SDF4: variants seen among roughly 807,000 people sequenced by gnomAD.
SDF4 encodes the protein stromal cell derived factor 4, also known as 45 kDa calcium-binding protein.
In SDF4, 22 loss-of-function variants were observed where a neutral mutation model predicts 34.2. The observed-to-expected ratio is 0.64, with a 90% CI of 0.46 to 0.92. The LOEUF (loss-of-function observed/expected upper bound fraction) is 0.92, where lower values mean the gene tolerates loss of function less well. SDF4 is among the 40% of genes least tolerant of loss of function. The pLI is 0.00. For missense variants in SDF4, 447 were observed against 499.9 expected (o/e 0.89, Z 1.01); for synonymous variants, 236 against 203.1 (o/e 1.16, Z -1.38).
At chr1:1,219,457 G>A in intron 4 of SDF4, 1 of 1,005,936 alleles carries the variant, frequency 9.9e-7, no homozygotes, top group Non-Finnish European at 1.2e-6. Context: ...CACCCTGAAG[G>A]CTGACGTGCG....
chr1:1,220,328 GC>G, intron 4 of SDF4: 1 of 1,102,098 alleles, frequency 9.1e-7, no homozygotes, highest in Non-Finnish European at 1.1e-6. Context: ...AGGGAGTGAT[GC>G]CCGCCTGCCA....
rs141534694 is a variant in SDF4, at chr1:1,217,632, G to A, written c.948C>T (p.Ile316=). 1.8e-4 allele frequency: 284 copies of A among 1,613,820 alleles called. 1 individual carries two copies. In the African/African-American group the frequency reaches 3.1e-3, roughly 17 times the overall value. The change falls in exon 7 of 7, where the codon ATC becomes ATT. Residue 316 remains isoleucine, a synonymous_variant. Coordinates refer to ENST00000360001, the MANE Select transcript of SDF4 (RefSeq NM_016176.6). This position sits in a 1 kb window ranked among gnomAD's most constrained non-coding sequence, Gnocchi z 8.5. ...YNALNEAKQM[I]AVADENQNHH... is the part of the protein sequence containing the mutation. ...GGTTCTGGTTCTCGTCGGCGACGGCGATCATCTGCTTGGCCTCGTTCAGCG... is the reference window on the plus strand; with the variant it reads ...GGTTCTGGTTCTCGTCGGCGACGGCAATCATCTGCTTGGCCTCGTTCAGCG...
At chr1:1,219,733 C>T in intron 4 of SDF4, 1 of 986,146 alleles carries the variant, frequency 1.0e-6, no homozygotes. Context: ...AGGACAGAAA[C>T]ACCACCTCCT....
chr1:1,220,189 C>CCACG, intron 4 of SDF4: 1 of 991,448 alleles, frequency 1.0e-6, no homozygotes, highest in Non-Finnish European at 1.2e-6. Flanking sequence ...CAGTCCCTCC[C>CCACG]CACGAGCCGG....
At chr1:1,219,752 T>A (rs1162093235) in intron 4 of SDF4, 9 of 985,826 alleles carry the variant, frequency 9.1e-6, no homozygotes, top group Non-Finnish European at 9.6e-6. Flanking sequence ...CTGCCCCATC[T>A]TGGGGCTCAC....
At chr1:1,227,140 C>G (rs766639376) in intron 2 of SDF4, 1 of 152,880 alleles carries the variant, frequency 6.5e-6, no homozygotes, top group East Asian at 1.9e-4. Context: ...GCCCTCCCGC[C>G]TGGCCCTCAG....
At chr1:1,221,821 G>A (rs1227935755) in intron 4 of SDF4, among the ~76,000 whole-genome samples, 1 of 152,096 alleles carries the variant, frequency 6.6e-6, no homozygotes, top group Non-Finnish European at 1.5e-5. Flanking sequence ...TTAGCCAGGC[G>A]CGGTGATGGT....
chr1:1,220,372 A>T, intron 4 of SDF4: 1 of 1,137,928 alleles, frequency 8.8e-7, no homozygotes, highest in Non-Finnish European at 1.1e-6. Flanking sequence ...ATCAGGTCTG[A>T]GGCGCGAGGA....
intron 1 of SDF4, among the ~76,000 whole-genome samples, chr1:1,231,042 T>G (rs779156610): frequency 1.9e-4 from 29 of 152,346 alleles, no homozygotes; most frequent in Non-Finnish European, 1.8e-4. Flanking sequence ...GGCAACACAG[T>G]GAGACTGCGT....
At chr1:1,220,403 C>A (rs148054647) in intron 4 of SDF4, 2 of 1,167,784 alleles carry the variant, frequency 1.7e-6, no homozygotes, top group East Asian at 6.1e-5. Flanking sequence ...CGGACTCACG[C>A]GGTGACCCTC....
At chr1:1,219,682 G>A (rs913063959) in intron 4 of SDF4, 3 of 986,248 alleles carry the variant, frequency 3.0e-6, no homozygotes, top group South Asian at 4.7e-5. Context: ...TCACCCCGAG[G>A]TCCCCACACA....
Position 1,217,871 on chromosome 1 carries a change from G to A in SDF4, c.892-183C>T, listed in dbSNP as rs1465327267. Reference sequence around the variant, plus strand: ...GGGCAGGGAGAAGCCGGGGGCCCCGGAAGGCCTGCCCGGGGCCAGCAGGGG... The same window carrying A: ...GGGCAGGGAGAAGCCGGGGGCCCCGAAAGGCCTGCCCGGGGCCAGCAGGGG... On this transcript the variant is annotated intron_variant, in intron 6 of 6. Transcript: ENST00000360001. The surrounding 1 kb of genome is among the most constrained non-coding windows in gnomAD (Gnocchi z 8.5). 7.5e-6 allele frequency: 11 copies of A among 1,466,784 alleles called. No homozygotes were observed. Among genetic ancestry groups the A allele is most frequent in the African/African-American group, 1.4e-5 (1 of 70,806 alleles). The allele number at this position is 1,466,784 out of a possible 1,614,324, so 90.9% of individuals were successfully genotyped here. A position where few individuals can be genotyped will look rare whatever the true frequency, so the allele number is the denominator to read the frequency against.
Position 1,218,938 on chromosome 1 carries a change from C to T in SDF4, c.557-11G>A, listed in dbSNP as rs200644350. The T allele has an allele frequency of 6.1e-5, 99 of 1,610,284 alleles. No homozygotes were observed. Among genetic ancestry groups the T allele is most frequent in the South Asian group, 3.5e-4 (32 of 90,574 alleles). On this transcript the variant is annotated splice_polypyrimidine_tract_variant and intron_variant, in intron 4 of 6. Coordinates refer to ENST00000360001, the MANE Select transcript of SDF4 (RefSeq NM_016176.6). The surrounding 1 kb of genome is among the most constrained non-coding windows in gnomAD (Gnocchi z 7.9). ...CCAGGACTTCCTGTGCTGAGAGGGG[C>T]GCAGCCTGTGGGTATCGAGGCCGAC... is the stretch of plus-strand genomic sequence containing the variant.
intron 2 of SDF4, 37 bp downstream of exon 2, chr1:1,228,431 G>GACA (rs1553150557): frequency 8.3e-6 from 13 of 1,559,186 alleles, no homozygotes; most frequent in Admixed American, 1.8e-5. Flanking sequence ...GAGCGCACGC[G>GACA]GACAGCCCCC....
chr1:1,225,917 G>A (rs1557519856), intron 2 of SDF4, among the ~76,000 whole-genome samples: 2 of 152,246 alleles, frequency 1.3e-5, no homozygotes, highest in South Asian at 2.1e-4. Context: ...CTGAAGACAC[G>A]GCTGCAGGGC....
chr1:1,219,408 C>T (rs967670793), intron 4 of SDF4: 204 of 1,017,172 alleles, frequency 2.0e-4, no homozygotes, highest in Non-Finnish European at 2.2e-4. Flanking sequence ...CTGGGCCCCA[C>T]CCCCCACACC....
intron 2 of SDF4, 112 bp from the exon 3 acceptor site, chr1:1,224,080 C>T: frequency 6.5e-7 from 1 of 1,533,342 alleles, no homozygotes; most frequent in Non-Finnish European, 8.8e-7. Flanking sequence ...CTGCCACCAA[C>T]AGCGACAGGC....
rs1380132669 is a variant in SDF4 at position 1,217,836 on chromosome 1, T to G, written c.892-148A>C. ...GGTTCCCGAAGGGAGGCGGCACAAA[T>G]GAAAACACAGGGCAGGGAGAAGCCG... On this transcript the variant is annotated intron_variant, in intron 6 of 6. Coordinates refer to ENST00000360001, the MANE Select transcript of SDF4 (RefSeq NM_016176.6). This position sits in a 1 kb window ranked among gnomAD's most constrained non-coding sequence, Gnocchi z 8.5. 4 of 1,536,866 alleles carry G rather than the reference T, an allele frequency of 2.6e-6. No individual in the cohort carries two copies. Among genetic ancestry groups the G allele is most frequent in the Non-Finnish European group, 3.5e-6 (4 of 1,146,892 alleles).
intron 4 of SDF4, chr1:1,221,206 G>A (rs763653706): frequency 7.1e-4 from 128 of 179,792 alleles, no homozygotes; most frequent in South Asian, 2.2e-3. Context: ...AAGTCTCCGC[G>A]TCATTCTAGA....
Sources: allele counts gnomAD v4.1 joint callset (sites outside exome capture counted in the v4.1 genomes callset), GRCh38; gene constraint gnomAD v4.1.1; non-coding constraint Gnocchi (gnomAD v3.1); transcripts MANE v1.5; gene names NCBI Gene and HGNC (gene_info 2026-07-23, HGNC 2026-07-21).